Variants in ZC3H7B observed in about 807,000 individuals in gnomAD.
The protein encoded by ZC3H7B is zinc finger CCCH-type containing 7B, also known as zinc finger CCCH domain-containing protein 7B.
ZC3H7B carries 35 observed loss-of-function variants against 116.0 expected under a neutral mutation model. The observed-to-expected ratio is 0.30, with a 90% CI of 0.23 to 0.40. The LOEUF (loss-of-function observed/expected upper bound fraction) is 0.40. Among genes scored for constraint, ZC3H7B ranks in the 10% least tolerant of loss-of-function variants. The pLI is 1.00. For missense variants in ZC3H7B, 1,011 were observed against 1,321.5 expected, an observed-to-expected ratio of 0.77 and a Z score of 3.64; for synonymous variants, 502 against 545.6, an observed-to-expected ratio of 0.92 and a Z score of 1.11.
At chr22:41,335,063 G>C (rs967697700) in intron 7 of ZC3H7B, 7 of 152,350 alleles carry the variant, frequency 4.6e-5, no homozygotes, top group African/African-American at 1.7e-4. Flanking sequence ...CTGGAGAGGG[G>C]GAAATGGCAC....
intron 6 of ZC3H7B, 44 bp downstream of exon 6, chr22:41,330,147 G>A: frequency 6.2e-7 from 1 of 1,604,798 alleles, no homozygotes; most frequent in Non-Finnish European, 8.5e-7. Flanking sequence ...TGGACGTGAG[G>A]AGGTCTGAAG....
chr22:41,307,834 A>G (rs2036065736), intron 1 of ZC3H7B, among the ~76,000 whole-genome samples: 1 of 152,148 alleles, frequency 6.6e-6, no homozygotes, highest in African/African-American at 2.4e-5. Context: ...TAGAGAAGGG[A>G]GTCAGATGAA....
chr22:41,344,406 A>G (rs2036560250), intron 13 of ZC3H7B, among the ~76,000 whole-genome samples: 3 of 151,780 alleles, frequency 2.0e-5, no homozygotes, highest in Admixed American at 6.6e-5. Context: ...ACATTCTGCA[A>G]CAAGACCTAC....
At chr22:41,318,465 C>G (rs536160200) in intron 1 of ZC3H7B, among the ~76,000 whole-genome samples, 1 of 137,986 alleles carries the variant, frequency 7.2e-6, no homozygotes, top group African/African-American at 2.7e-5. Flanking sequence ...GGAGGCGGAG[C>G]GTGCAGTGAG....
intron 1 of ZC3H7B, among the ~76,000 whole-genome samples, chr22:41,308,655 AT>A (rs959601494): frequency 9.9e-5 from 15 of 152,156 alleles, no homozygotes; most frequent in African/African-American, 3.4e-4. Flanking sequence ...TTCTTGCGAA[AT>A]AAATAAGCTC....
At chr22:41,314,306 G>T (rs1359866680) in intron 1 of ZC3H7B, among the ~76,000 whole-genome samples, 1 of 151,692 alleles carries the variant, frequency 6.6e-6, no homozygotes, top group Non-Finnish European at 1.5e-5. Flanking sequence ...ATAGGCGAGT[G>T]CCACCAAGCC....
intron 1 of ZC3H7B, among the ~76,000 whole-genome samples, chr22:41,314,113 T>C (rs1405590547): frequency 6.6e-6 from 1 of 151,756 alleles, no homozygotes. Flanking sequence ...CCTGTGAATT[T>C]CCTTTTTATG....
intron 17 of ZC3H7B, among the ~76,000 whole-genome samples, chr22:41,352,579 A>G (rs1189868479): frequency 6.6e-6 from 1 of 151,868 alleles, no homozygotes; most frequent in Admixed American, 6.6e-5. Flanking sequence ...TGTCCAACAT[A>G]GTGAAACCCC....
In ZC3H7B at chr22:41,346,029, T is replaced by G. The variant is rs2036580880; in HGVS notation, c.1486T>G (p.Tyr496Asp). 6.2e-7 allele frequency: 1 copy of G among 1,614,116 alleles called. No individual in the cohort carries two copies. ...CATGATTAACAAGCAGGACTGTAAG[T>G]ACGGGGATAACTGCACCTTCGCCTA... ...KDMINKQDCK[Y>D]GDNCTFAYHQ... Residue 496 changes from tyrosine to aspartate, a missense_variant, in exon 14 of 23, where the codon TAC becomes GAC. This residue lies in a region of ZC3H7B where 179 missense variants were observed against 178.5 expected (regional missense o/e 1.00). Coordinates refer to ENST00000352645, the MANE Select transcript of ZC3H7B (RefSeq NM_017590.6). The surrounding 1 kb of genome is among the most constrained non-coding windows in gnomAD (Gnocchi z 5.3).
intron 17 of ZC3H7B, among the ~76,000 whole-genome samples, chr22:41,354,618 T>C (rs9611560): frequency 0.82 from 125,204 of 152,092 alleles, 52,117 homozygotes; most frequent in African/African-American, 0.95. Context: ...CTTGAGGTTA[T>C]ATGAGGGAGA....
At chr22:41,339,423 C>T (rs1434023312) in intron 9 of ZC3H7B, among the ~76,000 whole-genome samples, 3 of 152,090 alleles carry the variant, frequency 2.0e-5, no homozygotes, top group African/African-American at 7.2e-5. Flanking sequence ...GTCAGGAATT[C>T]GAGACCAGCC....
chr22:41,341,225 C>T, intron 11 of ZC3H7B, 79 bp downstream of exon 11: 2 of 1,554,386 alleles, frequency 1.3e-6, no homozygotes, highest in African/African-American at 1.4e-5. Flanking sequence ...AATGAGCCCT[C>T]TGCATGGGGT....
intron 1 of ZC3H7B, among the ~76,000 whole-genome samples, chr22:41,308,960 C>G (rs1382566200): frequency 6.6e-6 from 1 of 150,838 alleles, no homozygotes; most frequent in Non-Finnish European, 1.5e-5. Flanking sequence ...ACCTATCTCT[C>G]TTAAATGTCA....
chr22:41,356,668 C>T lies in ZC3H7B; in HGVS notation c.2541C>T (p.Cys847=), dbSNP rs762804101. 2.8e-5 allele frequency: 45 copies of T among 1,613,408 alleles called. No homozygotes were observed. The African/African-American group carries it at 4.7e-4, about 17-fold the overall frequency. ...DIMMGYHCWL[C]GKNSNSKKQW... is the part of the protein sequence containing the mutation. ...AGATGGGCTACCACTGCTGGCTCTG[C>T]GGCAAGAACAGCAACAGCAAGAAGC... Residue 847 remains cysteine, a synonymous_variant, in exon 22 of 23, where the codon TGC becomes TGT. Coordinates refer to ENST00000352645, the MANE Select transcript of ZC3H7B (RefSeq NM_017590.6).
intron 2 of ZC3H7B, among the ~76,000 whole-genome samples, chr22:41,322,332 C>T (rs897968015): frequency 8.6e-5 from 13 of 151,658 alleles, no homozygotes; most frequent in Admixed American, 7.9e-4. Context: ...GGATTACAGG[C>T]GCCTGCCACC....
rs1008478188 is a variant in ZC3H7B at position 41,346,509 on chromosome 22, G to A, written c.1665+301G>A. Among the ~76,000 whole-genome samples the A allele has an allele frequency of 6.6e-5, 10 of 152,200 alleles. No individual in the cohort carries two copies. Among genetic ancestry groups the A allele is most frequent in the East Asian group, 5.8e-4 (3 of 5,194 alleles). On this transcript the variant is annotated intron_variant, in intron 14 of 22. Coordinates refer to ENST00000352645, the MANE Select transcript of ZC3H7B (RefSeq NM_017590.6). This position sits in a 1 kb window ranked among gnomAD's most constrained non-coding sequence, Gnocchi z 5.3. ...GCCAGTCATAGGCAGGGCTTGGCAC[G>A]TGGTTGTTTTCGTTTCTCATTCCTA... is the stretch of plus-strand genomic sequence containing the variant.
chr22:41,328,476 G>A (rs1780029646), intron 5 of ZC3H7B, among the ~76,000 whole-genome samples: 1 of 152,172 alleles, frequency 6.6e-6, no homozygotes, highest in African/African-American at 2.4e-5. Context: ...CAGTGAGGTA[G>A]GAGGTAGACA....
In ZC3H7B at chr22:41,342,640, CCT is replaced by C; in HGVS notation, c.1297+13_1297+14del. 6.2e-7 allele frequency: 1 copy of C among 1,605,496 alleles called. No individual in the cohort carries two copies. Among genetic ancestry groups the C allele is most frequent in the Non-Finnish European group, 8.5e-7 (1 of 1,176,120 alleles). On this transcript the variant is annotated intron_variant, in intron 12 of 22. Coordinates refer to ENST00000352645, the MANE Select transcript of ZC3H7B (RefSeq NM_017590.6). Reference sequence around the variant, plus strand: ...CTACCCCAAGACAGGTAAACTTTCACCTGTAGACTCCACCCCTCTGCCCAGAG... The same window carrying C: ...CTACCCCAAGACAGGTAAACTTTCACGTAGACTCCACCCCTCTGCCCAGAG...
rs1293625318 is a variant in ZC3H7B at position 41,348,069 on chromosome 22, C to A, written c.1668C>A (p.Ile556=). The A allele has an allele frequency of 6.2e-7, 1 of 1,613,768 alleles. No individual in the cohort carries two copies. Among genetic ancestry groups the A allele is most frequent in the African/African-American group, 1.3e-5 (1 of 74,944 alleles). ...CAGCCCTTCCCCTCCCTGGGCAGAT[C>A]TGCTTTGACAGTAAACCCCGGATCA... ...HQGIFTFLCE[I]CFDSKPRIIS... Residue 556 remains isoleucine (I), a splice_region_variant and synonymous_variant, in exon 15 of 23, where the codon ATC becomes ATA. Coordinates refer to ENST00000352645, the MANE Select transcript of ZC3H7B (RefSeq NM_017590.6).
Sources: allele counts gnomAD v4.1 joint callset (sites outside exome capture counted in the v4.1 genomes callset), GRCh38; gene constraint gnomAD v4.1.1; regional missense constraint gnomAD v4.1.1; non-coding constraint Gnocchi (gnomAD v3.1); transcripts MANE v1.5; gene names NCBI Gene and HGNC (gene_info 2026-07-23, HGNC 2026-07-21).